The following ADCYAP1R1 variants were observed in gnomAD, a reference collection of about 807,000 sequenced individuals.
The protein encoded by ADCYAP1R1 is pituitary adenylate cyclase-activating polypeptide type I receptor.
A neutral mutation model predicts 67.6 loss-of-function variants in ADCYAP1R1; 44 were observed. That is an observed-to-expected ratio of 0.65 (90% CI 0.51 to 0.84). The LOEUF is 0.84. Ranked by LOEUF, ADCYAP1R1 falls within the 40% of genes least tolerant of loss-of-function variation. The pLI, the probability that ADCYAP1R1 is intolerant of heterozygous loss-of-function variation, is 0.00. For missense variants in ADCYAP1R1, 477 were observed against 587.9 expected (o/e 0.81, Z 1.95); for synonymous variants, 222 against 219.6 (o/e 1.01, Z -0.10).
At chr7:31,085,247 A>G in intron 8 of ADCYAP1R1, 63 bp from the exon 9 acceptor site, 1 of 1,572,958 alleles carries the variant, frequency 6.4e-7, no homozygotes, top group East Asian at 2.2e-5. Flanking sequence ...ACAGATGCCC[A>G]CATGGAGGGT....
rs1376853157 is a variant in ADCYAP1R1, at chr7:31,108,636, A to G, written c.*1952A>G. Reference sequence around the variant, plus strand: ...AGTTTTCCCATTTGTGAGATGAGGCAACTTCCAATGCTTCTCTAGGCCCTG... The same window carrying G: ...AGTTTTCCCATTTGTGAGATGAGGCGACTTCCAATGCTTCTCTAGGCCCTG... On this transcript the variant is annotated 3_prime_UTR_variant, in exon 16 of 16. Coordinates refer to ENST00000304166, the MANE Select transcript of ADCYAP1R1 (RefSeq NM_001118.5). 2.6e-5 allele frequency: 4 copies of G among 152,260 alleles called. No homozygotes were observed. Among genetic ancestry groups the G allele is most frequent in the African/African-American group, 9.7e-5 (4 of 41,440 alleles). The allele number at this position is 152,260 out of a possible 1,614,324, so 9.4% of individuals were successfully genotyped here.
At chr7:31,100,885 G>C (rs1219511371) in intron 13 of ADCYAP1R1, among the ~76,000 whole-genome samples, 5 of 152,176 alleles carry the variant, frequency 3.3e-5, no homozygotes, top group Non-Finnish European at 7.3e-5. Context: ...GCTCCCCTGG[G>C]CAGCCCACTG....
At chr7:31,073,196 A>G (rs1795062683) in intron 3 of ADCYAP1R1, among the ~76,000 whole-genome samples, 2 of 152,204 alleles carry the variant, frequency 1.3e-5, no homozygotes, top group Admixed American at 1.3e-4. Context: ...CTAAACATTG[A>G]GCATAAAAAT....
chr7:31,061,858 G>A (rs1421953431), intron 1 of ADCYAP1R1, among the ~76,000 whole-genome samples: 1 of 152,148 alleles, frequency 6.6e-6, no homozygotes, highest in Non-Finnish European at 1.5e-5. Flanking sequence ...GAAGACTAAT[G>A]GTTGGGATGC....
intron 3 of ADCYAP1R1, among the ~76,000 whole-genome samples, chr7:31,068,546 A>G (rs985219863): frequency 6.6e-6 from 1 of 152,176 alleles, no homozygotes; most frequent in Non-Finnish European, 1.5e-5. Context: ...AGGCCTTGGG[A>G]GACAGGGACC....
intron 12 of ADCYAP1R1, among the ~76,000 whole-genome samples, chr7:31,091,052 C>T (rs924139534): frequency 6.6e-6 from 1 of 152,190 alleles, no homozygotes; most frequent in African/African-American, 2.4e-5. Flanking sequence ...TTTCCATGTT[C>T]CCTTTTCTCT....
At chr7:31,058,860 C>T (rs1358216903) in intron 1 of ADCYAP1R1, among the ~76,000 whole-genome samples, 3 of 152,110 alleles carry the variant, frequency 2.0e-5, no homozygotes, top group African/African-American at 7.2e-5. Context: ...GTTTACTTCC[C>T]AGCCCTACCA....
At chr7:31,070,315 G>T (rs1031416529) in intron 3 of ADCYAP1R1, among the ~76,000 whole-genome samples, 1 of 152,170 alleles carries the variant, frequency 6.6e-6, no homozygotes, top group African/African-American at 2.4e-5. Context: ...AGGGTTGGTC[G>T]GTGTGGTCCT....
At chr7:31,071,958 T>C (rs1368607465) in intron 3 of ADCYAP1R1, among the ~76,000 whole-genome samples, 3 of 80,122 alleles carry the variant, frequency 3.7e-5, no homozygotes, top group African/African-American at 1.6e-4. Flanking sequence ...TGGTAAATGA[T>C]CCATCCATCC....
intron 6 of ADCYAP1R1, 58 bp from the exon 7 acceptor site, chr7:31,084,083 G>T: frequency 6.8e-7 from 1 of 1,480,218 alleles, no homozygotes; most frequent in Non-Finnish European, 9.4e-7. Context: ...TTTTGCATAA[G>T]AATTTCAGGG....
At chr7:31,081,835 C>T in intron 6 of ADCYAP1R1, 81 bp downstream of exon 6, 2 of 1,194,314 alleles carry the variant, frequency 1.7e-6, no homozygotes, top group East Asian at 2.5e-5. Context: ...GAACCCCATC[C>T]CAGGCTGGGC....
At position 31,106,919 on chromosome 7, in the gene ADCYAP1R1, C is replaced by G. The variant is rs1796673742; in HGVS notation, c.*235C>G. On this transcript the variant is annotated 3_prime_UTR_variant, in exon 16 of 16. Transcript: ENST00000304166. Reference sequence around the variant, plus strand: ...CCTGACCCCAGACATGTAAATACTCCTCAAATTTGGAAAAGTTGTCCCATC... The same window carrying G: ...CCTGACCCCAGACATGTAAATACTCGTCAAATTTGGAAAAGTTGTCCCATC... 2.0e-6 allele frequency: 1 copy of G among 505,808 alleles called. No homozygotes were observed. The highest frequency in any genetic ancestry group is 3.4e-6 in the Non-Finnish European group (1 of 295,448). The allele number at this position is 505,808 out of a possible 1,614,324, so 31.3% of individuals were successfully genotyped here.
intron 7 of ADCYAP1R1, 109 bp downstream of exon 7, chr7:31,084,359 T>A: frequency 1.2e-6 from 1 of 822,930 alleles, no homozygotes; most frequent in South Asian, 1.6e-5. Flanking sequence ...GCAACTGGGA[T>A]GCTGCCTACT....
chr7:31,069,035 G>A (rs1794861815), intron 3 of ADCYAP1R1, among the ~76,000 whole-genome samples: 1 of 152,022 alleles, frequency 6.6e-6, no homozygotes, highest in South Asian at 2.1e-4. Flanking sequence ...TGATGTCGAG[G>A]CCCCTCTCCA....
intron 3 of ADCYAP1R1, among the ~76,000 whole-genome samples, chr7:31,071,229 A>G (rs1794964799): frequency 6.6e-6 from 1 of 152,184 alleles, no homozygotes; most frequent in South Asian, 2.1e-4. Flanking sequence ...GACAAAAGCT[A>G]ATAGCTTATG....
chr7:31,089,174 TG>T (rs1281135076), intron 12 of ADCYAP1R1, among the ~76,000 whole-genome samples: 5 of 152,184 alleles, frequency 3.3e-5, no homozygotes, highest in East Asian at 1.9e-4. Context: ...GGAAAGCTAT[TG>T]TTTTTTATGT....
chr7:31,105,837 A>G (rs946238945), intron 15 of ADCYAP1R1, among the ~76,000 whole-genome samples: 6 of 152,202 alleles, frequency 3.9e-5, no homozygotes, highest in African/African-American at 1.2e-4. Flanking sequence ...GGGTGGGTGT[A>G]GGCGCTGCTT....
intron 3 of ADCYAP1R1, among the ~76,000 whole-genome samples, chr7:31,067,721 A>C (rs938096255): frequency 6.6e-6 from 1 of 152,226 alleles, no homozygotes; most frequent in African/African-American, 2.4e-5. Flanking sequence ...GGATCTTTGA[A>C]GGGCCCTTAA....
chr7:31,095,608 C>A (rs1796155592), intron 13 of ADCYAP1R1: 1 of 716,438 alleles, frequency 1.4e-6, no homozygotes, highest in Non-Finnish European at 2.6e-6. Context: ...TGTGTGGGGC[C>A]AAGAAGCCCC....
Sources: allele counts gnomAD v4.1 joint callset (sites outside exome capture counted in the v4.1 genomes callset), GRCh38; gene constraint gnomAD v4.1.1; transcripts MANE v1.5; gene names NCBI Gene and HGNC (gene_info 2026-07-23, HGNC 2026-07-21).